Variants in POLR3G observed in about 807,000 individuals in gnomAD.
POLR3G encodes the protein DNA-directed RNA polymerase III subunit RPC7.
In POLR3G, 28 loss-of-function variants were observed where a neutral mutation model predicts 30.1. The ratio of observed to expected loss-of-function variants is 0.93; its 90% CI spans 0.69 to 1.27. The LOEUF is 1.27. POLR3G is among the 50% of genes most tolerant of loss of function. The pLI is 0.00. For missense variants in POLR3G, 254 were observed against 264.6 expected (o/e 0.96, Z 0.28); for synonymous variants, 79 against 82.5 (o/e 0.96, Z 0.23).
At chr5:90,510,592 T>G (rs1223032752) in intron 7 of POLR3G, among the ~76,000 whole-genome samples, 1 of 152,142 alleles carries the variant, frequency 6.6e-6, no homozygotes, top group African/African-American at 2.4e-5. Context: ...TCCTTTACAA[T>G]GAGACCTCAT....
intron 6 of POLR3G, among the ~76,000 whole-genome samples, chr5:90,506,190 C>T (rs1752477919): frequency 6.6e-6 from 1 of 152,150 alleles, no homozygotes; most frequent in African/African-American, 2.4e-5. Flanking sequence ...GATCGTGGCA[C>T]TGCACTCCAG....
chr5:90,511,547 A>T (rs1049902147), intron 7 of POLR3G, among the ~76,000 whole-genome samples: 24 of 152,082 alleles, frequency 1.6e-4, no homozygotes, highest in African/African-American at 5.8e-4. Flanking sequence ...CAGCCACAAG[A>T]AAAAGAAACT....
At chr5:90,502,633 A>G (rs1481541512) in intron 6 of POLR3G, among the ~76,000 whole-genome samples, 1 of 152,080 alleles carries the variant, frequency 6.6e-6, no homozygotes, top group Non-Finnish European at 1.5e-5. Flanking sequence ...AACCAATGTT[A>G]CTAGTTTCTT....
At chr5:90,475,886 T>G (rs1750787447) in intron 1 of POLR3G, among the ~76,000 whole-genome samples, 1 of 152,190 alleles carries the variant, frequency 6.6e-6, no homozygotes, top group Non-Finnish European at 1.5e-5. Flanking sequence ...TAATTTTGTA[T>G]TTTTAATAGA....
intron 1 of POLR3G, among the ~76,000 whole-genome samples, chr5:90,478,335 C>T (rs533061658): frequency 6.6e-6 from 1 of 152,034 alleles, no homozygotes; most frequent in African/African-American, 2.4e-5. Flanking sequence ...TTAATTGAGT[C>T]TGTTTTGCAG....
chr5:90,494,807 A>T (rs1751904245), intron 3 of POLR3G, among the ~76,000 whole-genome samples: 1 of 152,060 alleles, frequency 6.6e-6, no homozygotes, highest in African/African-American at 2.4e-5. Flanking sequence ...CATTATTTGA[A>T]ATTAACTTAA....
intron 1 of POLR3G, among the ~76,000 whole-genome samples, chr5:90,479,936 C>T (rs1166922038): frequency 6.6e-6 from 1 of 152,016 alleles, no homozygotes; most frequent in African/African-American, 2.4e-5. Flanking sequence ...ATAAATTAAA[C>T]AGGAAGAACA....
intron 1 of POLR3G, among the ~76,000 whole-genome samples, chr5:90,482,802 C>T (rs80052923): frequency 2.0e-5 from 3 of 152,122 alleles, no homozygotes; most frequent in African/African-American, 4.8e-5. Context: ...AACCTATCTG[C>T]GCTTCCAGTT....
At chr5:90,477,660 A>G (rs1750902846) in intron 1 of POLR3G, among the ~76,000 whole-genome samples, 1 of 152,202 alleles carries the variant, frequency 6.6e-6, no homozygotes. Flanking sequence ...GTCTGCTTCT[A>G]TCTGTTTGTG....
Position 90,495,790 on chromosome 5 carries a change from A to T in POLR3G, c.304+57A>T, listed in dbSNP as rs1037367576. The T allele has an allele frequency of 2.1e-5, 31 of 1,506,382 alleles. No homozygotes were observed. The South Asian group carries it at 3.4e-4, about 17-fold the overall frequency. 93.3% of individuals were successfully genotyped at this position (1,506,382 alleles called of 1,614,324 possible). A position where few individuals can be genotyped will look rare whatever the true frequency, so the allele number is the denominator to read the frequency against. On this transcript the variant is annotated intron_variant, in intron 4 of 7. Coordinates refer to ENST00000651687, the MANE Select transcript of POLR3G (RefSeq NM_006467.3). Reference sequence around the variant, plus strand: ...TTTTAAAGGCTGTCTCTCTCACCTCATGTTTTTTTTTTAGAATAAGTTTTC... The same window carrying T: ...TTTTAAAGGCTGTCTCTCTCACCTCTTGTTTTTTTTTTAGAATAAGTTTTC...
chr5:90,494,424 G>C (rs1580208163), intron 3 of POLR3G, among the ~76,000 whole-genome samples: 1 of 152,160 alleles, frequency 6.6e-6, no homozygotes, highest in East Asian at 1.9e-4. Flanking sequence ...TATATACATA[G>C]GATCATATGG....
chr5:90,487,378 A>ATTTTTTTTTTT lies in POLR3G; in HGVS notation c.118-603_118-593dup, dbSNP rs59951999. On this transcript the variant is annotated intron_variant, in intron 2 of 7. Transcript: ENST00000651687. ...TTTTCTTTTTTTTTTTGGTACATTAATTTTTTTTTTTTTTTTTTTTTTTTT... is the reference window on the plus strand; with the variant it reads ...TTTTCTTTTTTTTTTTGGTACATTAATTTTTTTTTTTTTTTTTTTTTTTTTTTTTTTTTTTT... 2.6e-4 allele frequency among the ~76,000 whole-genome samples: 15 copies of ATTTTTTTTTTT among 57,030 alleles called. 4 individuals are homozygous for ATTTTTTTTTTT. The highest frequency in any genetic ancestry group is 8.7e-4 in the African/African-American group (11 of 12,636). The allele number at this position is 57,030 out of a possible 152,430, so 37.4% of individuals were successfully genotyped here. A position where few individuals can be genotyped will look rare whatever the true frequency, so the allele number is the denominator to read the frequency against.
chr5:90,479,347 C>T (rs568725617), intron 1 of POLR3G, among the ~76,000 whole-genome samples: 1 of 152,216 alleles, frequency 6.6e-6, no homozygotes, highest in Admixed American at 6.5e-5. Context: ...GTGGCAGGCA[C>T]CAGTAATCCC....
chr5:90,506,026 G>A (rs190819115), intron 6 of POLR3G, among the ~76,000 whole-genome samples: 8 of 152,156 alleles, frequency 5.3e-5, no homozygotes, highest in Admixed American at 1.3e-4. Flanking sequence ...CTTGAGACCA[G>A]CAGTTTGAGA....
intron 3 of POLR3G, among the ~76,000 whole-genome samples, chr5:90,494,162 A>T (rs1205145537): frequency 6.6e-6 from 1 of 152,230 alleles, no homozygotes; most frequent in Non-Finnish European, 1.5e-5. Context: ...GGAATGATGT[A>T]ACATGTGTCT....
chr5:90,477,019 G>C (rs138209462), intron 1 of POLR3G, among the ~76,000 whole-genome samples: 1 of 152,284 alleles, frequency 6.6e-6, no homozygotes, highest in South Asian at 2.1e-4. Context: ...ACGGCCTGAC[G>C]ATGAGGGTGC....
At chr5:90,491,614 G>A (rs1561252106) in intron 3 of POLR3G, among the ~76,000 whole-genome samples, 1 of 151,128 alleles carries the variant, frequency 6.6e-6, no homozygotes. Context: ...TTCTAAAGAA[G>A]AAACAGACAT....
upstream of POLR3G, chr5:90,474,051 G>A (rs760168244): frequency 8.1e-5 from 129 of 1,586,262 alleles, no homozygotes; most frequent in Non-Finnish European, 1.1e-4. Context: ...CACGTGGGTG[G>A]CCACGGCAAG....
chr5:90,485,447 G>A, intron 1 of POLR3G, 78 bp from the exon 2 acceptor site: 1 of 696,630 alleles, frequency 1.4e-6, no homozygotes, highest in Non-Finnish European at 2.5e-6. Context: ...TGCTACTTAA[G>A]GGGTGCAGTT....
Sources: gnomAD v4.1 joint callset for allele counts (sites outside exome capture counted in the v4.1 genomes callset) on GRCh38, gnomAD v4.1.1 for gene constraint, MANE v1.5 for transcripts, NCBI Gene and HGNC (gene_info 2026-07-23, HGNC 2026-07-21) for gene names.